Variants in ARID2 observed in about 807,000 individuals in gnomAD.
ARID2 encodes the protein AT-rich interactive domain-containing protein 2.
A neutral mutation model predicts 184.6 loss-of-function variants in ARID2; 32 were observed. The ratio of observed to expected loss-of-function variants is 0.17; its 90% CI spans 0.13 to 0.23. The LOEUF (loss-of-function observed/expected upper bound fraction) is 0.23, where lower values mean the gene tolerates loss of function less well. Ranked by LOEUF, ARID2 falls within the 10% of genes least tolerant of loss-of-function variation. The probability of loss-of-function intolerance (pLI) is 1.00; values close to 1 mark genes in which losing one functional copy is unlikely to be tolerated. For missense variants in ARID2, 1,696 were observed against 2,197.6 expected, an observed-to-expected ratio of 0.77 and a Z score of 4.56; for synonymous variants, 836 against 772.6, an observed-to-expected ratio of 1.08 and a Z score of -1.36.
intron 11 of ARID2, 95 bp from the exon 12 acceptor site, chr12:45,846,761 C>A: frequency 9.5e-7 from 1 of 1,055,992 alleles, no homozygotes; most frequent in South Asian, 1.4e-5. Context: ...AAAAGGTATT[C>A]ATTGTGTTAA....
intron 3 of ARID2, among the ~76,000 whole-genome samples, chr12:45,786,192 A>G (rs937467137): frequency 6.6e-5 from 10 of 152,178 alleles, no homozygotes; most frequent in African/African-American, 2.2e-4. Context: ...TTTCTGGTCT[A>G]TCAATGAAAA....
chr12:45,734,240 A>G (rs1941064463), intron 3 of ARID2, among the ~76,000 whole-genome samples: 1 of 152,168 alleles, frequency 6.6e-6, no homozygotes, highest in East Asian at 1.9e-4. Flanking sequence ...ATGGTGGCTC[A>G]TGCCTGTAAT....
At position 45,840,995 on chromosome 12, in the gene ARID2, G is replaced by A. The variant is rs1297152550; in HGVS notation, c.1498+1499G>A. On this transcript the variant is annotated intron_variant, in intron 11 of 20. Transcript: ENST00000334344. ...TACAGGTAATAGATGTTAAACAGCC[G>A]ATTTATATTGGGGAATCTTTGGTCA... 3.9e-5 allele frequency: 6 copies of A among 152,232 alleles called. No homozygotes were observed. The East Asian group carries it at 5.8e-4, about 15-fold the overall frequency. 9.4% of individuals were successfully genotyped at this position (152,232 alleles called of 1,614,324 possible).
At position 45,860,706 on chromosome 12, in the gene ARID2, T is replaced by G. The variant is rs1939090563; in HGVS notation, c.4774-95T>G. The stretch of plus-strand genomic sequence containing the variant: ...TAAAATGTAAATTTTATGGTAGAAA[T>G]GTATAACAACATAATCAAATTTATA... On this transcript the variant is annotated intron_variant, in intron 15 of 20. Coordinates refer to ENST00000334344, the MANE Select transcript of ARID2 (RefSeq NM_152641.4). 2.7e-6 allele frequency: 3 copies of G among 1,097,536 alleles called. No homozygotes were observed. In the African/African-American group the frequency reaches 4.9e-5, roughly 18 times the overall value. 68.0% of individuals were successfully genotyped at this position (1,097,536 alleles called of 1,614,324 possible).
chr12:45,766,196 C>T (rs1478077227), intron 3 of ARID2, among the ~76,000 whole-genome samples: 2 of 150,592 alleles, frequency 1.3e-5, no homozygotes. Context: ...GAGACAGAGT[C>T]TTGCTCTGTC....
In ARID2 at chr12:45,906,198, A is replaced by G. The variant is rs1402193155; in HGVS notation, c.*1120A>G. 1.7e-5 allele frequency: 4 copies of G among 232,620 alleles called. No individual in the cohort carries two copies. Among genetic ancestry groups the G allele is most frequent in the Non-Finnish European group, 3.4e-5 (4 of 117,566 alleles). The allele number at this position is 232,620 out of a possible 1,614,324, so 14.4% of individuals were successfully genotyped here. A position where few individuals can be genotyped will look rare whatever the true frequency, so the allele number is the denominator to read the frequency against. ...AGGTTTTCTCCTGTGTTATATATGC[A>G]TTATGTGCAGGTATGATATTTTCTT... On this transcript the variant is annotated 3_prime_UTR_variant, in exon 21 of 21. Coordinates refer to ENST00000334344, the MANE Select transcript of ARID2 (RefSeq NM_152641.4).
At position 45,850,934 on chromosome 12, in the gene ARID2, A is replaced by G; in HGVS notation, c.2811A>G (p.Gln937=). 1.2e-6 allele frequency: 2 copies of G among 1,614,160 alleles called. No individual in the cohort carries two copies. The highest frequency in any genetic ancestry group is 1.1e-5 in the South Asian group (1 of 91,080). The change falls in exon 15 of 21, where the codon CAA becomes CAG. Residue 937 remains glutamine (Q), a synonymous_variant. Coordinates refer to ENST00000334344, the MANE Select transcript of ARID2 (RefSeq NM_152641.4). ...TAAGCCAGCCAGCTCAACAAGGTCA[A>G]ACTTATGCACCAGCCATTCACCAAA... ...VIVSQPAQQG[Q]TYAPAIHQIV...
At chr12:45,883,812 G>T (rs1398206276) in intron 16 of ARID2, among the ~76,000 whole-genome samples, 1 of 151,834 alleles carries the variant, frequency 6.6e-6, no homozygotes, top group Non-Finnish European at 1.5e-5. Context: ...TGTTCAAAGA[G>T]CAGTCATGGG....
intron 3 of ARID2, among the ~76,000 whole-genome samples, chr12:45,738,163 T>A (rs1361597929): frequency 6.6e-6 from 1 of 152,188 alleles, no homozygotes; most frequent in Non-Finnish European, 1.5e-5. Flanking sequence ...GATGCTTGTT[T>A]GTGAAAATTT....
intron 3 of ARID2, among the ~76,000 whole-genome samples, chr12:45,791,668 A>G (rs1028487135): frequency 7.2e-5 from 11 of 152,080 alleles, no homozygotes; most frequent in Admixed American, 2.6e-4. Flanking sequence ...ATCACGGCTC[A>G]CTGCAGTCTG....
chr12:45,842,153 C>G (rs1350835721), intron 11 of ARID2: 2 of 150,564 alleles, frequency 1.3e-5, no homozygotes, highest in African/African-American at 4.9e-5. Context: ...CAGCTTGGGC[C>G]CAGGGAGTCA....
chr12:45,881,992 G>A, intron 16 of ARID2: 1 of 197,212 alleles, frequency 5.1e-6, no homozygotes, highest in Non-Finnish European at 1.1e-5. Flanking sequence ...TCCTGGGGCT[G>A]GGTGACTTCC....
At chr12:45,793,755 T>C (rs1260942261) in intron 3 of ARID2, among the ~76,000 whole-genome samples, 2 of 151,960 alleles carry the variant, frequency 1.3e-5, no homozygotes, top group South Asian at 2.1e-4. Flanking sequence ...ACTTTTTTTT[T>C]CTTGGCTTTT....
intron 20 of ARID2, among the ~76,000 whole-genome samples, chr12:45,895,701 A>G (rs1318056912): frequency 6.6e-6 from 1 of 152,124 alleles, no homozygotes; most frequent in Admixed American, 6.5e-5. Context: ...TGCCGAGCTA[A>G]TTTTTGTATT....
intron 20 of ARID2, among the ~76,000 whole-genome samples, chr12:45,896,748 C>G (rs1944373214): frequency 6.6e-6 from 1 of 152,140 alleles, no homozygotes; most frequent in South Asian, 2.1e-4. Context: ...AACAGCAGAT[C>G]AACAGGATGC....
In ARID2 at chr12:45,848,826, C is replaced by T. The variant is rs2138153903; in HGVS notation, c.1581-10C>T. 6.2e-7 allele frequency: 1 copy of T among 1,605,364 alleles called. No individual in the cohort carries two copies. Among genetic ancestry groups the T allele is most frequent in the Non-Finnish European group, 8.5e-7 (1 of 1,175,604 alleles). ...ATATTGTATAATGCTTAATTTTTCT[C>T]CTCTTTTAGGCTAAATGCTCATTTT... On this transcript the variant is annotated splice_polypyrimidine_tract_variant and intron_variant, in intron 12 of 20. Coordinates refer to ENST00000334344, the MANE Select transcript of ARID2 (RefSeq NM_152641.4).
At position 45,821,469 on chromosome 12, in the gene ARID2, T is replaced by G. The variant is rs190735394; in HGVS notation, c.687T>G (p.Thr229=). ...TTGGAGAAGAATGGAAAGAGAAGACTGATAGAGACTTCGTTAAGGTAAATC... is the reference window on the plus strand; with the variant it reads ...TTGGAGAAGAATGGAAAGAGAAGACGGATAGAGACTTCGTTAAGGTAAATC... The part of the protein sequence containing the change: ...TVFGEEWKEK[T]DRDFVKFWKD... The change falls in exon 6 of 21, where the codon ACT becomes ACG. Residue 229 remains threonine, a synonymous_variant. Coordinates refer to ENST00000334344, the MANE Select transcript of ARID2 (RefSeq NM_152641.4). The G allele has an allele frequency of 4.6e-6, 7 of 1,511,296 alleles. No individual in the cohort carries two copies. The East Asian group carries it at 1.7e-4, about 37-fold the overall frequency. 93.6% of individuals were successfully genotyped at this position (1,511,296 alleles called of 1,614,324 possible). A position where few individuals can be genotyped will look rare whatever the true frequency, so the allele number is the denominator to read the frequency against.
intron 3 of ARID2, among the ~76,000 whole-genome samples, chr12:45,805,637 A>G (rs550872395): frequency 2.0e-5 from 3 of 152,084 alleles, no homozygotes; most frequent in Non-Finnish European, 2.9e-5. Context: ...TTGAGGTACA[A>G]TTGACTAATA....
chr12:45,807,244 A>G (rs1476295443), intron 3 of ARID2, among the ~76,000 whole-genome samples: 1 of 152,222 alleles, frequency 6.6e-6, no homozygotes, highest in Non-Finnish European at 1.5e-5. Flanking sequence ...GGAGAAGTGA[A>G]TATGAGTCCT....
Sources: gnomAD v4.1 joint callset for allele counts (sites outside exome capture counted in the v4.1 genomes callset) on GRCh38, gnomAD v4.1.1 for gene constraint, MANE v1.5 for transcripts, NCBI Gene and HGNC (gene_info 2026-07-23, HGNC 2026-07-21) for gene names.